CA1: variants seen among roughly 807,000 people sequenced by gnomAD.
CA1 encodes carbonic anhydrase 1.
CA1 carries 27 observed loss-of-function variants against 28.8 expected under a neutral mutation model. The observed-to-expected ratio is 0.94, with a 90% CI of 0.69 to 1.29. CA1 has a LOEUF of 1.29. Ranked by LOEUF, CA1 falls within the 50% of genes most tolerant of loss-of-function variation. The pLI is 0.00. For missense variants in CA1, 335 were observed against 310.5 expected (o/e 1.08, Z -0.59); for synonymous variants, 121 against 108.8 (o/e 1.11, Z -0.70).
intron 1 of CA1, among the ~76,000 whole-genome samples, chr8:85,346,975 A>G (rs1047284753): frequency 6.6e-6 from 1 of 152,230 alleles, no homozygotes; most frequent in African/African-American, 2.4e-5. Context: ...AAATATGAAA[A>G]GAGATAAGTT....
intron 1 of CA1, among the ~76,000 whole-genome samples, chr8:85,371,296 T>G (rs978472590): frequency 1.3e-5 from 2 of 152,314 alleles, no homozygotes; most frequent in Non-Finnish European, 1.5e-5. Flanking sequence ...TTGATAATGA[T>G]TCTGGCGCCC....
At chr8:85,348,014 A>G (rs2130268250) in intron 1 of CA1, among the ~76,000 whole-genome samples, 1 of 152,306 alleles carries the variant, frequency 6.6e-6, no homozygotes, top group East Asian at 1.9e-4. Flanking sequence ...TATGTTTTTA[A>G]CAAACATTTC....
chr8:85,360,672 G>A (rs1364590128), intron 1 of CA1, among the ~76,000 whole-genome samples: 2 of 152,126 alleles, frequency 1.3e-5, no homozygotes, highest in Non-Finnish European at 2.9e-5. Context: ...CAGCCTGGGC[G>A]ACACCCCCTG....
At chr8:85,354,398 C>A (rs1269148316) in intron 1 of CA1, among the ~76,000 whole-genome samples, 1 of 152,058 alleles carries the variant, frequency 6.6e-6, no homozygotes, top group South Asian at 2.1e-4. Context: ...CTTAGATACA[C>A]CCCAGAGTAC....
At chr8:85,329,870 A>G in intron 6 of CA1, 26 bp from the exon 7 acceptor site, 3 of 1,538,464 alleles carry the variant, frequency 1.9e-6, no homozygotes, top group Non-Finnish European at 2.7e-6. Context: ...ACATCATTAC[A>G]GCATGATATA....
chr8:85,373,565 ATTAG>A (rs1810308837), intron 1 of CA1: 1 of 152,268 alleles, frequency 6.6e-6, no homozygotes, highest in Non-Finnish European at 1.5e-5. Flanking sequence ...CTATTTTATT[ATTAG>A]TTATTGTTGT....
At chr8:85,346,055 T>C (rs1809171608) in intron 1 of CA1, among the ~76,000 whole-genome samples, 2 of 152,206 alleles carry the variant, frequency 1.3e-5, no homozygotes, top group South Asian at 4.1e-4. Context: ...TGCTAATGGG[T>C]GTTTTTTATT....
chr8:85,347,257 A>C (rs775013630), intron 1 of CA1, among the ~76,000 whole-genome samples: 64 of 152,204 alleles, frequency 4.2e-4, no homozygotes, highest in Non-Finnish European at 8.2e-4. Flanking sequence ...TGTCACCTGA[A>C]GTGATATTAA....
chr8:85,370,011 G>A (rs1326877430), intron 1 of CA1, among the ~76,000 whole-genome samples: 1 of 152,120 alleles, frequency 6.6e-6, no homozygotes, highest in Non-Finnish European at 1.5e-5. Context: ...GAAATAACAT[G>A]ACACCAAACC....
chr8:85,367,068 A>G (rs1044740283), intron 1 of CA1, among the ~76,000 whole-genome samples: 1 of 152,062 alleles, frequency 6.6e-6, no homozygotes, highest in African/African-American at 2.4e-5. Flanking sequence ...TGAGATATTA[A>G]TCTGAAGAAT....
intron 1 of CA1, among the ~76,000 whole-genome samples, chr8:85,354,643 A>G (rs1011142711): frequency 5.3e-5 from 8 of 152,188 alleles, no homozygotes; most frequent in Non-Finnish European, 1.2e-4. Context: ...AGATCTTTCA[A>G]GGCGGGGAAC....
intron 1 of CA1, among the ~76,000 whole-genome samples, chr8:85,376,253 C>G (rs1208081618): frequency 6.6e-6 from 1 of 152,066 alleles, no homozygotes; most frequent in Non-Finnish European, 1.5e-5. Context: ...ATTGCTTGAA[C>G]CGGGAGGCAG....
At chr8:85,363,069 G>A (rs1809862434) in intron 1 of CA1, among the ~76,000 whole-genome samples, 1 of 152,112 alleles carries the variant, frequency 6.6e-6, no homozygotes, top group African/African-American at 2.4e-5. Context: ...TAGTCATCAT[G>A]GTCGCTGTTT....
intron 3 of CA1, among the ~76,000 whole-genome samples, chr8:85,337,505 A>G (rs1808711586): frequency 6.6e-6 from 1 of 152,216 alleles, no homozygotes; most frequent in African/African-American, 2.4e-5. Flanking sequence ...TGATGAAGAC[A>G]CAAAAGTATA....
chr8:85,360,074 A>G (rs1272600226), intron 1 of CA1, among the ~76,000 whole-genome samples: 1 of 152,236 alleles, frequency 6.6e-6, no homozygotes, highest in Admixed American at 6.5e-5. Context: ...TTCAAGTCCC[A>G]TTGAATCTTT....
rs1808805592 is a variant in CA1, at chr8:85,339,031, AC to A, written c.38-583del. ...GCACCCGGCCCCTTTTCTATATTGTACTATAAAATAGTGTATTTGTCAATAC... is the reference window on the plus strand; with the variant it reads ...GCACCCGGCCCCTTTTCTATATTGTATATAAAATAGTGTATTTGTCAATAC... On this transcript the variant is annotated intron_variant, in intron 2 of 7. Transcript: ENST00000523022. 2.0e-5 allele frequency among the ~76,000 whole-genome samples: 3 copies of A among 151,980 alleles called. No individual in the cohort carries two copies. The South Asian group carries it at 6.2e-4, about 32-fold the overall frequency.
chr8:85,367,892 C>T (rs1810070339), intron 1 of CA1, among the ~76,000 whole-genome samples: 1 of 152,096 alleles, frequency 6.6e-6, no homozygotes. Context: ...TATTACATTA[C>T]ATGTGCTGCG....
chr8:85,330,846 T>C (rs1808367933), intron 6 of CA1, among the ~76,000 whole-genome samples: 1 of 152,148 alleles, frequency 6.6e-6, no homozygotes, highest in South Asian at 2.1e-4. Context: ...CACTGTTGAA[T>C]TTGATTTGTT....
At chr8:85,368,249 ACT>A (rs1810085121) in intron 1 of CA1, among the ~76,000 whole-genome samples, 1 of 151,836 alleles carries the variant, frequency 6.6e-6, no homozygotes, top group South Asian at 2.1e-4. Flanking sequence ...CTCACCACAA[ACT>A]CTGTCTCCCA....
Sources: allele counts gnomAD v4.1 joint callset (sites outside exome capture counted in the v4.1 genomes callset), GRCh38; gene constraint gnomAD v4.1.1; transcripts MANE v1.5; gene names NCBI Gene and HGNC (gene_info 2026-07-23, HGNC 2026-07-21).